Variants in NCALD observed in about 807,000 individuals in gnomAD.
NCALD encodes neurocalcin delta, also known as neurocalcin-delta.
A neutral mutation model predicts 18.6 loss-of-function variants in NCALD; 10 were observed. That is an observed-to-expected ratio of 0.54 (90% CI 0.33 to 0.91). NCALD has a LOEUF of 0.91. Among genes scored for constraint, NCALD ranks in the 40% least tolerant of loss-of-function variants. The pLI is 0.03. For missense variants in NCALD, 184 were observed against 247.6 expected, an observed-to-expected ratio of 0.74 and a Z score of 1.72; for synonymous variants, 88 against 87.4, an observed-to-expected ratio of 1.01 and a Z score of -0.04.
intron 3 of NCALD, among the ~76,000 whole-genome samples, chr8:101,907,144 T>C (rs1235264547): frequency 6.6e-6 from 1 of 152,222 alleles, no homozygotes; most frequent in Non-Finnish European, 1.5e-5. Context: ...TTATTTTGAT[T>C]ATGGAGTTTT....
chr8:102,081,892 G>C (rs1824550673), intron 1 of NCALD, among the ~76,000 whole-genome samples: 1 of 152,134 alleles, frequency 6.6e-6, no homozygotes, highest in Non-Finnish European at 1.5e-5. Context: ...TTGGTTTACC[G>C]GTGTAAATAT....
At chr8:101,840,512 C>T (rs1235081715) in intron 4 of NCALD, among the ~76,000 whole-genome samples, 1 of 152,064 alleles carries the variant, frequency 6.6e-6, no homozygotes, top group East Asian at 1.9e-4. Flanking sequence ...TGCATGAAAA[C>T]TTGGAACCAA....
intron 3 of NCALD, among the ~76,000 whole-genome samples, chr8:101,893,157 CG>C (rs1449680054): frequency 4.0e-5 from 6 of 151,752 alleles, no homozygotes; most frequent in Non-Finnish European, 5.9e-5. Context: ...AGACTAACAG[CG>C]GATCTCTCAG....
At chr8:101,803,007 A>G (rs911387779) in intron 4 of NCALD, among the ~76,000 whole-genome samples, 1 of 152,166 alleles carries the variant, frequency 6.6e-6, no homozygotes, top group South Asian at 2.1e-4. Context: ...AGGTGACTAT[A>G]CTTCAAAACA....
At chr8:101,871,913 T>C (rs1816036370) in intron 4 of NCALD, 2 of 700,896 alleles carry the variant, frequency 2.9e-6, no homozygotes, top group South Asian at 3.1e-5. Context: ...ATCGGCTTCT[T>C]AGGGTTTTCC....
intron 3 of NCALD, among the ~76,000 whole-genome samples, chr8:101,893,761 CAAAG>C (rs1272676479): frequency 7.2e-6 from 1 of 138,152 alleles, no homozygotes; most frequent in Non-Finnish European, 1.5e-5. Context: ...TCAAAAGAGA[CAAAG>C]AAGGCCATTA....
At chr8:101,975,040 G>T (rs973744732) in intron 2 of NCALD, among the ~76,000 whole-genome samples, 2 of 152,152 alleles carry the variant, frequency 1.3e-5, no homozygotes, top group Non-Finnish European at 2.9e-5. Flanking sequence ...TGCTTCTTAA[G>T]TCTTAGAACC....
intron 2 of NCALD, among the ~76,000 whole-genome samples, chr8:101,995,985 G>A (rs1821227571): frequency 6.6e-6 from 1 of 152,204 alleles, no homozygotes; most frequent in Admixed American, 6.5e-5. Context: ...TCTCCACAGT[G>A]TGACTCTCTC....
intron 4 of NCALD, among the ~76,000 whole-genome samples, chr8:101,862,266 A>C (rs1345686513): frequency 6.6e-6 from 1 of 152,142 alleles, no homozygotes; most frequent in Non-Finnish European, 1.5e-5. Flanking sequence ...TCAGGAACAC[A>C]GTTCCTATGT....
Position 102,110,513 on chromosome 8 carries a change from C to T in NCALD, c.-210+13724G>A, listed in dbSNP as rs76381493. Reference sequence around the variant, plus strand: ...AATTATATAGTCACCCTAGATTTAGCCAAGAAATATTTCTTGGCCAGTTAT... The same window carrying T: ...AATTATATAGTCACCCTAGATTTAGTCAAGAAATATTTCTTGGCCAGTTAT... On this transcript the variant is annotated intron_variant, in intron 1 of 6. Coordinates refer to the NCALD transcript ENST00000311028. Among the ~76,000 whole-genome samples, 401 of 152,156 alleles carry T rather than the reference C, an allele frequency of 2.6e-3. 1 individual carries two copies. The highest frequency in any genetic ancestry group is 8.5e-3 in the African/African-American group (351 of 41,492).
chr8:101,769,801 G>A (rs2130887345), intron 1 of NCALD, among the ~76,000 whole-genome samples: 1 of 152,270 alleles, frequency 6.6e-6, no homozygotes, highest in African/African-American at 2.4e-5. Context: ...TAGAAGCACT[G>A]TGAAATCTCA....
chr8:102,119,780 A>T (rs958448542), intron 1 of NCALD, among the ~76,000 whole-genome samples: 1 of 152,204 alleles, frequency 6.6e-6, no homozygotes, highest in Non-Finnish European at 1.5e-5. Flanking sequence ...GCACTTTCAC[A>T]TTAGAATATA....
At chr8:101,825,632 C>T (rs1813903739) in intron 4 of NCALD, among the ~76,000 whole-genome samples, 1 of 152,192 alleles carries the variant, frequency 6.6e-6, no homozygotes, top group Non-Finnish European at 1.5e-5. Context: ...TATCCTGTGG[C>T]AGTAATTCAG....
intron 4 of NCALD, among the ~76,000 whole-genome samples, chr8:101,837,169 CTTG>C (rs1161920055): frequency 6.6e-6 from 1 of 152,122 alleles, no homozygotes; most frequent in Admixed American, 6.5e-5. Context: ...ACACAACACT[CTTG>C]TTTTCTCATT....
chr8:102,020,884 C>T (rs1013825092), intron 1 of NCALD, among the ~76,000 whole-genome samples: 8 of 152,150 alleles, frequency 5.3e-5, no homozygotes, highest in East Asian at 1.9e-4. Context: ...TTCCTCCTCA[C>T]CCCTTGCCAG....
chr8:101,719,922 A>T (rs999040390), intron 1 of NCALD, among the ~76,000 whole-genome samples: 2 of 152,184 alleles, frequency 1.3e-5, no homozygotes, highest in African/African-American at 4.8e-5. Flanking sequence ...GTTCAGAGAG[A>T]GCGTGAGGTA....
chr8:101,796,789 C>T lies in NCALD; in HGVS notation c.-19-77141G>A, dbSNP rs1557337. Among the ~76,000 whole-genome samples, 822 of 152,114 alleles carry T rather than the reference C, an allele frequency of 5.4e-3. 25 individuals are homozygous for T. Among genetic ancestry groups the T allele is most frequent in the Admixed American group, 0.05 (758 of 15,282 alleles). On this transcript the variant is annotated intron_variant, in intron 4 of 6. Coordinates refer to the NCALD transcript ENST00000311028. ...ATTTTCAAAACTTACAAAAAGACAC[C>T]GTGAAAGGAAAATATCTTGGGCCCC...
At chr8:101,915,135 A>C (rs907963827) in intron 3 of NCALD, among the ~76,000 whole-genome samples, 6 of 151,950 alleles carry the variant, frequency 3.9e-5, no homozygotes, top group African/African-American at 9.7e-5. Context: ...TTTTATGGAC[A>C]AAAAAAACAA....
chr8:101,914,216 T>C (rs1194055076), intron 3 of NCALD, among the ~76,000 whole-genome samples: 1 of 152,234 alleles, frequency 6.6e-6, no homozygotes, highest in African/African-American at 2.4e-5. Flanking sequence ...CCTTCACAGC[T>C]TTGAGGGGTA....
Sources: gnomAD v4.1 joint callset for allele counts (sites outside exome capture counted in the v4.1 genomes callset) on GRCh38, gnomAD v4.1.1 for gene constraint, MANE v1.5 for transcripts, NCBI Gene and HGNC (gene_info 2026-07-23, HGNC 2026-07-21) for gene names.